MAST2: variants seen among roughly 807,000 people sequenced by gnomAD.
The protein encoded by MAST2 is microtubule associated serine/threonine kinase 2, also known as microtubule-associated serine/threonine-protein kinase 2.
Under a neutral mutation model 147.4 loss-of-function variants are expected in MAST2, and 70 were observed. That is an observed-to-expected ratio of 0.47 (90% CI 0.39 to 0.58). The LOEUF is 0.58. Ranked by LOEUF, MAST2 falls within the 20% of genes least tolerant of loss-of-function variation. MAST2 has a pLI of 0.00. For synonymous variants in MAST2, 869 were observed against 896.8 expected (o/e 0.97, Z 0.55); for missense variants, 2,080 against 2,302.3 (o/e 0.90, Z 1.98).
At chr1:45,819,461 C>A (rs1644555105) in intron 1 of MAST2, among the ~76,000 whole-genome samples, 1 of 152,030 alleles carries the variant, frequency 6.6e-6, no homozygotes, top group Non-Finnish European at 1.5e-5. Flanking sequence ...TTGGCAAAAG[C>A]TTAAAGACTT....
chr1:45,805,119 G>A (rs148644635), intron 1 of MAST2, among the ~76,000 whole-genome samples: 1 of 144,330 alleles, frequency 6.9e-6, no homozygotes, highest in Non-Finnish European at 1.5e-5. Context: ...GCATTATTTC[G>A]GCTCACTGCA....
At position 45,925,662 on chromosome 1, in the gene MAST2, T is replaced by C. The variant is rs183171866; in HGVS notation, c.501-33724T>C. 4.0e-4 allele frequency among the ~76,000 whole-genome samples: 61 copies of C among 152,326 alleles called. 1 individual carries two copies. Among genetic ancestry groups the C allele is most frequent in the Non-Finnish European group, 7.5e-4 (51 of 68,024 alleles). On this transcript the variant is annotated intron_variant, in intron 4 of 28. Transcript: ENST00000361297. ...GAATCAGTTTTGAATTGCCATAGAC[T>C]TTGTCAGCCCTGAAGTAGGAGGGCT...
chr1:45,822,605 C>T (rs1311453760), intron 1 of MAST2, among the ~76,000 whole-genome samples: 2 of 152,132 alleles, frequency 1.3e-5, no homozygotes, highest in Admixed American at 6.5e-5. Flanking sequence ...TGCTGGTTCT[C>T]CCATGCAGCT....
intron 3 of MAST2, among the ~76,000 whole-genome samples, chr1:45,830,031 A>G (rs1644906022): frequency 6.6e-6 from 1 of 150,640 alleles, no homozygotes; most frequent in Non-Finnish European, 1.5e-5. Context: ...ATTTTTTTGT[A>G]TTACTAGTAG....
At chr1:45,921,243 C>T (rs1239479944) in intron 4 of MAST2, among the ~76,000 whole-genome samples, 1 of 152,186 alleles carries the variant, frequency 6.6e-6, no homozygotes, top group Non-Finnish European at 1.5e-5. Context: ...ATTCACCCAC[C>T]TCGGACTCCC....
chr1:45,912,318 C>T (rs1651806984), intron 4 of MAST2, among the ~76,000 whole-genome samples: 1 of 152,104 alleles, frequency 6.6e-6, no homozygotes, highest in South Asian at 2.1e-4. Context: ...CACACACGTT[C>T]GCATTTGTAT....
chr1:45,970,701 C>T (rs1395779811), intron 5 of MAST2, among the ~76,000 whole-genome samples: 2 of 137,314 alleles, frequency 1.5e-5, no homozygotes, highest in East Asian at 2.2e-4. Flanking sequence ...AATTTCTGCT[C>T]TGGTAAGTTG....
chr1:45,939,023 A>G (rs961156500), intron 4 of MAST2, among the ~76,000 whole-genome samples: 48 of 151,292 alleles, frequency 3.2e-4, no homozygotes, highest in African/African-American at 1.0e-3. Flanking sequence ...ATGTATTTGG[A>G]TGGTGTCGTT....
chr1:46,015,083 C>T (rs1375264954), intron 10 of MAST2, among the ~76,000 whole-genome samples: 1 of 151,220 alleles, frequency 6.6e-6, no homozygotes, highest in Non-Finnish European at 1.5e-5. Context: ...CTACTGGGTA[C>T]ATAACGAAAT....
intron 4 of MAST2, among the ~76,000 whole-genome samples, chr1:45,909,410 T>G (rs1192551011): frequency 6.6e-6 from 1 of 152,230 alleles, no homozygotes; most frequent in Non-Finnish European, 1.5e-5. Flanking sequence ...TTCCATTGTT[T>G]TCTGTGACTA....
At chr1:45,857,613 T>G (rs1389319483) in intron 3 of MAST2, among the ~76,000 whole-genome samples, 2 of 152,160 alleles carry the variant, frequency 1.3e-5, no homozygotes, top group African/African-American at 4.8e-5. Context: ...TAGTTCTTAT[T>G]TTTATACTTT....
At chr1:45,869,722 AC>A (rs1348339190) in intron 3 of MAST2, among the ~76,000 whole-genome samples, 8 of 152,210 alleles carry the variant, frequency 5.3e-5, no homozygotes, top group Admixed American at 5.2e-4. Flanking sequence ...TCTTACTGTT[AC>A]AAAAAATAAC....
intron 3 of MAST2, among the ~76,000 whole-genome samples, chr1:45,873,115 A>G (rs1557854278): frequency 6.6e-6 from 1 of 151,944 alleles, no homozygotes; most frequent in Admixed American, 6.6e-5. Flanking sequence ...TTTTTAGAGA[A>G]TAGCATCTTA....
In MAST2 at chr1:46,019,962, A is replaced by T. The variant is rs187453533; in HGVS notation, c.1290+265A>T. 2.5e-4 allele frequency among the ~76,000 whole-genome samples: 38 copies of T among 152,344 alleles called. No individual in the cohort carries two copies. In the East Asian group the frequency reaches 7.1e-3, roughly 29 times the overall value. On this transcript the variant is annotated intron_variant, in intron 11 of 28. Coordinates refer to ENST00000361297, the MANE Select transcript of MAST2 (RefSeq NM_015112.3). ...CACATCAGTGGGGGTCTTGGGGGTG[A>T]GAAGCGTCAGGAGCATAGCCCAGTT...
intron 3 of MAST2, among the ~76,000 whole-genome samples, chr1:45,857,763 A>G (rs185299644): frequency 9.3e-5 from 14 of 150,686 alleles, no homozygotes; most frequent in Non-Finnish European, 2.1e-4. Flanking sequence ...CCCCGACTCC[A>G]TGACAGGCCC....
chr1:46,010,652 A>G (rs1183608533), intron 9 of MAST2, 78 bp from the exon 10 acceptor site: 6 of 1,312,362 alleles, frequency 4.6e-6, no homozygotes, highest in South Asian at 1.3e-5. Flanking sequence ...TTATTTTGCT[A>G]TTTCCAGGTC....
At chr1:45,858,515 C>T (rs1645868182) in intron 3 of MAST2, among the ~76,000 whole-genome samples, 1 of 150,522 alleles carries the variant, frequency 6.6e-6, no homozygotes, top group African/African-American at 2.4e-5. Context: ...GGATATTAGC[C>T]CTTCGTCAGA....
intron 5 of MAST2, among the ~76,000 whole-genome samples, chr1:45,981,917 C>A (rs543165688): frequency 6.6e-6 from 1 of 151,090 alleles, no homozygotes; most frequent in Admixed American, 6.6e-5. Context: ...CTCAGCTCAC[C>A]GCAACCTCTA....
intron 2 of MAST2, 139 bp from the exon 3 acceptor site, chr1:45,829,300 A>T: frequency 2.8e-6 from 2 of 712,590 alleles, no homozygotes; most frequent in African/African-American, 1.8e-5. Context: ...TGGAAATTTT[A>T]ATAGATTCTA....
Sources: allele counts gnomAD v4.1 joint callset (sites outside exome capture counted in the v4.1 genomes callset), GRCh38; gene constraint gnomAD v4.1.1; transcripts MANE v1.5; gene names NCBI Gene and HGNC (gene_info 2026-07-23, HGNC 2026-07-21).